Variants in CABIN1 observed in about 807,000 individuals in gnomAD.
CABIN1 encodes the protein calcineurin binding protein 1.
In CABIN1, 133 loss-of-function variants were observed where a neutral mutation model predicts 227.7. The observed-to-expected ratio is 0.58, with a 90% CI of 0.51 to 0.67. The LOEUF (loss-of-function observed/expected upper bound fraction) is 0.67, where lower values mean the gene tolerates loss of function less well. CABIN1 is among the 30% of genes least tolerant of loss of function. The pLI, the probability that CABIN1 is intolerant of heterozygous loss-of-function variation, is 0.00. For missense variants in CABIN1, 2,408 were observed against 2,852.5 expected (o/e 0.84, Z 3.55); for synonymous variants, 1,086 against 1,155.1 (o/e 0.94, Z 1.21).
intron 29 of CABIN1, among the ~76,000 whole-genome samples, chr22:24,156,380 G>A (rs1021757990): frequency 6.6e-6 from 1 of 151,996 alleles, no homozygotes; most frequent in African/African-American, 2.4e-5. Flanking sequence ...CGGCCAAGCC[G>A]GCTTGGGCGG....
chr22:24,056,236 A>G lies in CABIN1; in HGVS notation c.1138A>G (p.Lys380Glu). The change falls in exon 10 of 37, where the codon AAG (lysine) becomes GAG (glutamate). Residue 380 changes from lysine to glutamate, a missense_variant. Coordinates refer to ENST00000263119, the MANE Select transcript of CABIN1 (RefSeq NM_012295.4). ...TAAATCCAAGAAAGGGGTAAAACGG[A>G]AGAAGATTTCAGAAGAGAGTGGAGA... ...GDKSKKGVKR[K>E]KISEESGETA... 6.2e-7 allele frequency: 1 copy of G among 1,614,086 alleles called. No individual in the cohort carries two copies. Among genetic ancestry groups the G allele is most frequent in the Non-Finnish European group, 8.5e-7 (1 of 1,179,976 alleles).
Position 24,036,112 on chromosome 22 carries a change from C to T in CABIN1, c.27C>T (p.Ala9=). MIRIAALN[A]SSTIEDDHEG... ...AGATTCGAATTGCAGCCTTAAATGC[C>T]AGCTCCACCATTGAGGATGATCATG... Residue 9 remains alanine, a synonymous_variant, in exon 3 of 37, where the codon GCC becomes GCT. Coordinates refer to ENST00000263119, the MANE Select transcript of CABIN1 (RefSeq NM_012295.4). 6.2e-7 allele frequency: 1 copy of T among 1,613,794 alleles called. No individual in the cohort carries two copies. Among genetic ancestry groups the T allele is most frequent in the Non-Finnish European group, 8.5e-7 (1 of 1,179,772 alleles).
At chr22:24,083,877 T>G (rs1843827890) in intron 20 of CABIN1, among the ~76,000 whole-genome samples, 1 of 152,258 alleles carries the variant, frequency 6.6e-6, no homozygotes. Context: ...TTTCCATTTT[T>G]GTGTTGTTTT....
chr22:24,039,149 C>T (rs900357299), intron 4 of CABIN1, among the ~76,000 whole-genome samples: 1 of 152,070 alleles, frequency 6.6e-6, no homozygotes, highest in Non-Finnish European at 1.5e-5. Context: ...GGAGGAAAGG[C>T]GTTTGTTTTC....
At position 24,063,072 on chromosome 22, in the gene CABIN1, G is replaced by A. The variant is rs762993278; in HGVS notation, c.1810G>A (p.Asp604Asn). 9.9e-6 allele frequency: 16 copies of A among 1,614,080 alleles called. No individual in the cohort carries two copies. The highest frequency in any genetic ancestry group is 1.3e-5 in the African/African-American group (1 of 74,934). ...GCTGTCATTTGCCTCGTCCCAGCGC[G>A]ACCTGTTCGAGGATGGTTGGCTGGA... ...LQLSFASSQR[D>N]LFEDGWLEFV... Residue 604 changes from aspartate (D) to asparagine (N), a missense_variant, in exon 14 of 37, where the codon GAC becomes AAC. Asp to Asn is a conservative substitution (Grantham distance 23). This residue lies in a region of CABIN1 where 1,045 missense variants were observed against 1,168.4 expected (regional missense o/e 0.89). Coordinates refer to ENST00000263119, the MANE Select transcript of CABIN1 (RefSeq NM_012295.4).
rs1343460742 is a variant in CABIN1, at chr22:24,147,347, GCCTC to G, written c.4746+12944_4746+12947del. 8.2e-4 allele frequency among the ~76,000 whole-genome samples: 78 copies of G among 95,282 alleles called. 1 individual carries two copies. The Middle Eastern group carries it at 0.019, about 24-fold the overall frequency. 62.5% of individuals were successfully genotyped at this position (95,282 alleles called of 152,430 possible). On this transcript the variant is annotated intron_variant, in intron 29 of 36. Coordinates refer to ENST00000263119, the MANE Select transcript of CABIN1 (RefSeq NM_012295.4). ...TCCCTCCTCTCCTCCCTCCCTCCCT[GCCTC>G]CCTCCCTCCCTGCTTCCCTGCCTCC...
intron 28 of CABIN1, among the ~76,000 whole-genome samples, chr22:24,120,281 C>CT (rs1569244459): frequency 6.6e-6 from 1 of 152,224 alleles, no homozygotes; most frequent in African/African-American, 2.4e-5. Context: ...TCCTCCAGCT[C>CT]TTTTTGGAAA....
chr22:24,098,062 A>C lies in CABIN1; in HGVS notation c.3987A>C (p.Thr1329=). 6.2e-7 allele frequency: 1 copy of C among 1,614,134 alleles called. No individual in the cohort carries two copies. The highest frequency in any genetic ancestry group is 8.5e-7 in the Non-Finnish European group (1 of 1,180,002). ...VDEDSHSSAG[T]LPGPGASLPS... ...AGGACTCCCACTCTTCAGCTGGGAC[A>C]CTGCCGGGCCCCGGAGCCTCCCTCC... The change falls in exon 26 of 37, where the codon ACA becomes ACC. Residue 1329 remains threonine, a synonymous_variant. Transcript: ENST00000263119.
chr22:24,035,400 G>C, intron 1 of CABIN1, 44 bp from the exon 2 acceptor site: 1 of 1,372,846 alleles, frequency 7.3e-7, no homozygotes, highest in Non-Finnish European at 1.0e-6. Context: ...GACCTTCCTG[G>C]CTCTTCATAG....
chr22:24,166,072 C>T (rs1254676052), intron 31 of CABIN1, among the ~76,000 whole-genome samples: 1 of 152,194 alleles, frequency 6.6e-6, no homozygotes, highest in Non-Finnish European at 1.5e-5. Context: ...CGAGGTGGGG[C>T]TGTTGGGAGT....
At chr22:24,159,533 C>G (rs2046030565) in intron 29 of CABIN1, among the ~76,000 whole-genome samples, 1 of 152,208 alleles carries the variant, frequency 6.6e-6, no homozygotes, top group Non-Finnish European at 1.5e-5. Context: ...ATGGCCTGTT[C>G]CTTCCTCAGC....
At chr22:24,174,006 A>G (rs1366629722) in intron 34 of CABIN1, among the ~76,000 whole-genome samples, 1 of 144,346 alleles carries the variant, frequency 6.9e-6, no homozygotes, top group African/African-American at 2.6e-5. Flanking sequence ...TTTTTTTTTA[A>G]TTTTTATTTT....
chr22:24,062,727 C>T (rs545600393), intron 13 of CABIN1, among the ~76,000 whole-genome samples: 7 of 152,240 alleles, frequency 4.6e-5, no homozygotes, highest in African/African-American at 1.4e-4. Flanking sequence ...AAAATTGCTT[C>T]CCCTTGCCCT....
intron 27 of CABIN1, among the ~76,000 whole-genome samples, chr22:24,114,937 T>C (rs1350249233): frequency 6.6e-6 from 1 of 152,170 alleles, no homozygotes; most frequent in East Asian, 1.9e-4. Flanking sequence ...GATTTACTTG[T>C]ATCTGGTCCT....
At chr22:24,150,533 C>G (rs2045417779) in intron 29 of CABIN1, among the ~76,000 whole-genome samples, 1 of 152,206 alleles carries the variant, frequency 6.6e-6, no homozygotes, top group Admixed American at 6.5e-5. Flanking sequence ...AGTGAAACCA[C>G]CTCGGGGTGT....
chr22:24,094,923 C>G (rs1466067811), intron 24 of CABIN1, among the ~76,000 whole-genome samples: 1 of 151,856 alleles, frequency 6.6e-6, no homozygotes, highest in Non-Finnish European at 1.5e-5. Flanking sequence ...TGCCTTCATT[C>G]AAGAATCTTT....
intron 16 of CABIN1, among the ~76,000 whole-genome samples, chr22:24,068,298 T>C (rs1268636681): frequency 6.6e-6 from 1 of 152,166 alleles, no homozygotes; most frequent in Admixed American, 6.5e-5. Context: ...TGTGACCTGT[T>C]ACCTGGCAGG....
intron 29 of CABIN1, among the ~76,000 whole-genome samples, chr22:24,148,143 C>T (rs1368375132): frequency 6.6e-6 from 1 of 152,184 alleles, no homozygotes; most frequent in Non-Finnish European, 1.5e-5. Context: ...ACACTGTCCT[C>T]TCAGCCCACA....
intron 28 of CABIN1, among the ~76,000 whole-genome samples, chr22:24,120,009 G>C (rs968440775): frequency 6.6e-6 from 1 of 152,188 alleles, no homozygotes; most frequent in African/African-American, 2.4e-5. Flanking sequence ...TGTGAGGGCT[G>C]TGCAGCAACT....
Sources: allele counts gnomAD v4.1 joint callset (sites outside exome capture counted in the v4.1 genomes callset), GRCh38; gene constraint gnomAD v4.1.1; regional missense constraint gnomAD v4.1.1; transcripts MANE v1.5; gene names NCBI Gene and HGNC (gene_info 2026-07-23, HGNC 2026-07-21).